The following LRFN5 variants were observed in gnomAD, a reference collection of about 807,000 sequenced individuals.
LRFN5 encodes leucine-rich repeat and fibronectin type-III domain-containing protein 5.
Under a neutral mutation model 45.6 loss-of-function variants are expected in LRFN5, and 24 were observed. The ratio of observed to expected loss-of-function variants is 0.53; its 90% CI spans 0.38 to 0.74. The LOEUF (loss-of-function observed/expected upper bound fraction) is 0.74, where lower values mean the gene tolerates loss of function less well. LRFN5 is among the 30% of genes least tolerant of loss of function. The pLI is 0.00. For missense variants in LRFN5, 776 were observed against 861.5 expected, an observed-to-expected ratio of 0.90 and a Z score of 1.24; for synonymous variants, 340 against 313.8, an observed-to-expected ratio of 1.08 and a Z score of -0.88.
intron 2 of LRFN5, among the ~76,000 whole-genome samples, chr14:41,769,530 ATG>A (rs1331705166): frequency 4.6e-5 from 7 of 152,182 alleles, no homozygotes; most frequent in African/African-American, 9.7e-5. Flanking sequence ...ATATTTACAT[ATG>A]TGTGTGTATA....
intron 1 of LRFN5, among the ~76,000 whole-genome samples, chr14:41,642,703 C>G (rs1297988660): frequency 6.6e-6 from 1 of 152,196 alleles, no homozygotes; most frequent in African/African-American, 2.4e-5. Flanking sequence ...CATGGATTGA[C>G]AGAAAGGCAA....
At chr14:41,842,628 A>G (rs1888903267) in intron 2 of LRFN5, among the ~76,000 whole-genome samples, 1 of 152,166 alleles carries the variant, frequency 6.6e-6, no homozygotes, top group Non-Finnish European at 1.5e-5. Flanking sequence ...CTGTTTGTTA[A>G]ATATTTCCCA....
At chr14:41,663,201 G>C (rs1025362970) in intron 1 of LRFN5, among the ~76,000 whole-genome samples, 7 of 152,084 alleles carry the variant, frequency 4.6e-5, no homozygotes, top group African/African-American at 9.7e-5. Context: ...CCAAACCGCC[G>C]TGCTGTTGAG....
chr14:41,659,540 G>T (rs901596227), intron 1 of LRFN5, among the ~76,000 whole-genome samples: 2 of 152,068 alleles, frequency 1.3e-5, no homozygotes, highest in African/African-American at 4.8e-5. Context: ...ATAGTAGAAT[G>T]ATTTATAATC....
At chr14:41,610,670 A>AAAAAAAAAAAAAAAAAC (rs1887717467) in intron 1 of LRFN5, among the ~76,000 whole-genome samples, 1 of 147,342 alleles carries the variant, frequency 6.8e-6, no homozygotes, top group African/African-American at 2.5e-5. Context: ...GTAAAAAAAA[A>AAAAAAAAAAAAAAAAAC]AAAAAAAAAA....
At chr14:41,856,724 A>T (rs1484407004) in intron 2 of LRFN5, among the ~76,000 whole-genome samples, 6 of 92,148 alleles carry the variant, frequency 6.5e-5, no homozygotes, top group East Asian at 3.2e-4. Context: ...TCGCCCAGGC[A>T]GGAGTGCTGT....
At chr14:41,734,485 T>C (rs776079314) in intron 1 of LRFN5, among the ~76,000 whole-genome samples, 28 of 150,938 alleles carry the variant, frequency 1.9e-4, no homozygotes, top group Non-Finnish European at 3.0e-4. Context: ...ACCCCTGCTC[T>C]CTTTTGTTTC....
chr14:41,879,577 A>G (rs1890302798), intron 2 of LRFN5, among the ~76,000 whole-genome samples: 1 of 151,278 alleles, frequency 6.6e-6, no homozygotes, highest in Non-Finnish European at 1.5e-5. Context: ...TAAATTGTAT[A>G]CATAACTGAT....
At chr14:41,754,159 G>A (rs952526569) in intron 1 of LRFN5, among the ~76,000 whole-genome samples, 1 of 152,058 alleles carries the variant, frequency 6.6e-6, no homozygotes, top group Non-Finnish European at 1.5e-5. Context: ...TGCTGGATTC[G>A]GTTTGCCAGT....
chr14:41,742,400 C>A (rs898337486), intron 1 of LRFN5, among the ~76,000 whole-genome samples: 1 of 149,254 alleles, frequency 6.7e-6, no homozygotes, highest in East Asian at 2.0e-4. Context: ...CACAACATGG[C>A]TGGAACTGGA....
intron 2 of LRFN5, among the ~76,000 whole-genome samples, chr14:41,867,372 T>C (rs912384): frequency 2.0e-5 from 3 of 151,808 alleles, no homozygotes; most frequent in Admixed American, 6.6e-5. Flanking sequence ...GTGTGGAGGG[T>C]TATGTGTGTG....
intron 2 of LRFN5, among the ~76,000 whole-genome samples, chr14:41,875,472 A>G (rs1890156155): frequency 1.3e-5 from 2 of 152,256 alleles, no homozygotes; most frequent in African/African-American, 4.8e-5. Context: ...TGGGTTCCCA[A>G]TATCACATAG....
chr14:41,825,983 C>T (rs546102466), intron 2 of LRFN5, among the ~76,000 whole-genome samples: 1 of 152,282 alleles, frequency 6.6e-6, no homozygotes, highest in African/African-American at 2.4e-5. Context: ...TCTCAGCACC[C>T]CATTTTCTTC....
intron 1 of LRFN5, among the ~76,000 whole-genome samples, chr14:41,609,077 CTT>C (rs1487047217): frequency 6.6e-6 from 1 of 152,118 alleles, no homozygotes; most frequent in Admixed American, 6.5e-5. Context: ...CATCTGGAGA[CTT>C]TGACTCGAAA....
At chr14:41,626,563 G>A (rs917327410) in intron 1 of LRFN5, among the ~76,000 whole-genome samples, 1 of 151,952 alleles carries the variant, frequency 6.6e-6, no homozygotes, top group Non-Finnish European at 1.5e-5. Context: ...TTTGACTTAC[G>A]TGATAAAGGA....
At chr14:41,855,635 C>T (rs984743029) in intron 2 of LRFN5, among the ~76,000 whole-genome samples, 12 of 152,044 alleles carry the variant, frequency 7.9e-5, no homozygotes, top group South Asian at 6.2e-4. Flanking sequence ...AAAAATATAA[C>T]GACAAAAGTG....
At chr14:41,803,541 G>A (rs892551213) in intron 2 of LRFN5, among the ~76,000 whole-genome samples, 1 of 151,562 alleles carries the variant, frequency 6.6e-6, no homozygotes, top group African/African-American at 2.4e-5. Flanking sequence ...ATTTTGTTGA[G>A]GTGGGTCCTC....
intron 2 of LRFN5, among the ~76,000 whole-genome samples, chr14:41,823,413 T>A (rs1888190956): frequency 8.2e-6 from 1 of 122,556 alleles, no homozygotes; most frequent in African/African-American, 3.5e-5. Context: ...GGATACAAAA[T>A]TCTTGGCTTA....
intron 1 of LRFN5, among the ~76,000 whole-genome samples, chr14:41,641,750 T>C (rs1879588619): frequency 6.6e-6 from 1 of 152,094 alleles, no homozygotes; most frequent in South Asian, 2.1e-4. Context: ...ATATTTAAAA[T>C]ATTTAGATAG....
Sources: allele counts gnomAD v4.1 joint callset (sites outside exome capture counted in the v4.1 genomes callset), GRCh38; gene constraint gnomAD v4.1.1; transcripts MANE v1.5; gene names NCBI Gene and HGNC (gene_info 2026-07-23, HGNC 2026-07-21).